PTPN12: variants seen among roughly 807,000 people sequenced by gnomAD.
PTPN12 encodes protein tyrosine phosphatase non-receptor type 12.
Under a neutral mutation model 97.6 loss-of-function variants are expected in PTPN12, and 29 were observed. The ratio of observed to expected loss-of-function variants is 0.30; its 90% CI spans 0.22 to 0.41. The LOEUF (loss-of-function observed/expected upper bound fraction) is 0.41, where lower values mean the gene tolerates loss of function less well. Ranked by LOEUF, PTPN12 falls within the 10% of genes least tolerant of loss-of-function variation. The probability of loss-of-function intolerance (pLI) is 1.00; values close to 1 mark genes in which losing one functional copy is unlikely to be tolerated. For synonymous variants in PTPN12, 327 were observed against 300.4 expected (o/e 1.09, Z -0.91); for missense variants, 819 against 926.0 (o/e 0.88, Z 1.50).
intron 13 of PTPN12, among the ~76,000 whole-genome samples, chr7:77,629,281 C>T (rs1478470493): frequency 6.6e-6 from 1 of 152,200 alleles, no homozygotes; most frequent in Non-Finnish European, 1.5e-5. Flanking sequence ...GCTTAAATTA[C>T]AGAATTATCT....
At chr7:77,556,574 G>A (rs1807721790) in intron 1 of PTPN12, among the ~76,000 whole-genome samples, 1 of 152,056 alleles carries the variant, frequency 6.6e-6, no homozygotes, top group Non-Finnish European at 1.5e-5. Context: ...ATTCGGCCAG[G>A]CACAGTGGCT....
At chr7:77,546,937 A>G (rs192067456) in intron 1 of PTPN12, among the ~76,000 whole-genome samples, 1 of 152,388 alleles carries the variant, frequency 6.6e-6, no homozygotes, top group African/African-American at 2.4e-5. Context: ...TAGGGATTAT[A>G]ATTCAAGATG....
chr7:77,576,665 C>G (rs555275560), intron 2 of PTPN12, among the ~76,000 whole-genome samples: 36 of 152,262 alleles, frequency 2.4e-4, no homozygotes, highest in African/African-American at 7.9e-4. Context: ...CCACTGCACT[C>G]CAACCTGGGT....
chr7:77,605,500 A>ACCTCCGC (rs1788340751), intron 8 of PTPN12, among the ~76,000 whole-genome samples: 1 of 137,794 alleles, frequency 7.3e-6, no homozygotes, highest in Admixed American at 8.3e-5. Context: ...GCTCACTGCA[A>ACCTCCGC]CCTCCGCCTC....
chr7:77,610,874 T>C (rs757090913), intron 10 of PTPN12, 32 bp downstream of exon 10: 5 of 1,581,646 alleles, frequency 3.2e-6, no homozygotes, highest in Non-Finnish European at 4.3e-6. Flanking sequence ...TATAAACTGC[T>C]ATTTTATAAA....
intron 1 of PTPN12, among the ~76,000 whole-genome samples, chr7:77,543,337 C>T (rs1260864503): frequency 1.8e-5 from 2 of 113,064 alleles, no homozygotes; most frequent in East Asian, 6.5e-4. Flanking sequence ...TGTGCCCCTT[C>T]CACTGCCTTT....
At chr7:77,557,186 C>T (rs769334076) in intron 1 of PTPN12, among the ~76,000 whole-genome samples, 5 of 152,044 alleles carry the variant, frequency 3.3e-5, no homozygotes, top group Non-Finnish European at 5.9e-5. Flanking sequence ...AGGCTGGTCT[C>T]GAACCCCTGG....
chr7:77,607,478 A>C, intron 9 of PTPN12, 177 bp downstream of exon 9: 1 of 471,594 alleles, frequency 2.1e-6, no homozygotes, highest in Non-Finnish European at 3.6e-6. Flanking sequence ...TACGCCTGTA[A>C]TCCTAGCACT....
intron 11 of PTPN12, among the ~76,000 whole-genome samples, chr7:77,615,945 C>T (rs998877560): frequency 2.6e-5 from 4 of 152,162 alleles, no homozygotes; most frequent in Admixed American, 6.5e-5. Context: ...AATTGCAGTT[C>T]TGCATTGTCA....
chr7:77,600,076 G>C (rs557438221), intron 7 of PTPN12, among the ~76,000 whole-genome samples: 1 of 152,256 alleles, frequency 6.6e-6, no homozygotes, highest in South Asian at 2.1e-4. Context: ...AAAGCTCATA[G>C]ACTCCCTCAA....
chr7:77,590,849 C>G (rs1037018902), intron 5 of PTPN12, among the ~76,000 whole-genome samples: 3 of 151,918 alleles, frequency 2.0e-5, no homozygotes, highest in African/African-American at 7.3e-5. Flanking sequence ...TAGGCATGAG[C>G]CACCACGCCC....
intron 14 of PTPN12, among the ~76,000 whole-genome samples, chr7:77,634,759 T>C (rs538685436): frequency 1.3e-5 from 2 of 151,732 alleles, no homozygotes; most frequent in Non-Finnish European, 2.9e-5. Flanking sequence ...TGTATTTTTT[T>C]AGTAGAGACA....
At chr7:77,587,201 G>A (rs1450483093) in intron 5 of PTPN12, among the ~76,000 whole-genome samples, 1 of 152,024 alleles carries the variant, frequency 6.6e-6, no homozygotes, top group Non-Finnish European at 1.5e-5. Context: ...ATTTATGGCA[G>A]CTTTAGCTTT....
chr7:77,605,527 C>G (rs1482594575), intron 8 of PTPN12, among the ~76,000 whole-genome samples: 2 of 146,050 alleles, frequency 1.4e-5, no homozygotes, highest in Non-Finnish European at 1.5e-5. Flanking sequence ...TCAAGTGATT[C>G]TCCTGCCTCA....
At chr7:77,555,710 C>A (rs1024852054) in intron 1 of PTPN12, among the ~76,000 whole-genome samples, 1 of 152,058 alleles carries the variant, frequency 6.6e-6, no homozygotes, top group Non-Finnish European at 1.5e-5. Context: ...GTCATGAGAT[C>A]GAGACCATCC....
Position 77,561,225 on chromosome 7 carries a change from T to G in PTPN12, c.100-9853T>G, listed in dbSNP as rs183941685. Among the ~76,000 whole-genome samples, 1,266 of 152,280 alleles carry G rather than the reference T, an allele frequency of 8.3e-3. 10 individuals are homozygous for G. Among genetic ancestry groups the G allele is most frequent in the Non-Finnish European group, 0.013 (882 of 68,008 alleles). On this transcript the variant is annotated intron_variant, in intron 1 of 17. Coordinates refer to ENST00000248594, the MANE Select transcript of PTPN12 (RefSeq NM_002835.4). ...TAGTTATGAGCCACTGTGCCCAGCCTATTTTGGTTTTTTGATAGTAGCCAT... is the reference window on the plus strand; with the variant it reads ...TAGTTATGAGCCACTGTGCCCAGCCGATTTTGGTTTTTTGATAGTAGCCAT...
intron 1 of PTPN12, among the ~76,000 whole-genome samples, chr7:77,557,423 G>A (rs1264842794): frequency 6.6e-6 from 1 of 152,160 alleles, no homozygotes; most frequent in Non-Finnish European, 1.5e-5. Flanking sequence ...CAGTTTGGGG[G>A]CAGCTGTTTG....
Position 77,537,492 on chromosome 7 carries a change from C to CCGGGCGGG in PTPN12, c.-47_-40dup. The CCGGGCGGG allele has an allele frequency of 1.5e-6, 2 of 1,345,770 alleles. No individual in the cohort carries two copies. 83.4% of individuals were successfully genotyped at this position (1,345,770 alleles called of 1,614,324 possible). On this transcript the variant is annotated 5_prime_UTR_variant, in exon 1 of 18. Transcript: ENST00000248594. ...TGGGGAAGACGGAGCGGGCTCTGTG[C>CCGGGCGGG]CGGGCGGGCGGGCGGCGGGGGGGCC...
intron 1 of PTPN12, among the ~76,000 whole-genome samples, chr7:77,542,167 A>G (rs987898796): frequency 2.6e-5 from 4 of 152,298 alleles, no homozygotes; most frequent in African/African-American, 9.6e-5. Context: ...CATCTATGCT[A>G]TACTTAGATT....
Sources: allele counts gnomAD v4.1 joint callset (sites outside exome capture counted in the v4.1 genomes callset), GRCh38; gene constraint gnomAD v4.1.1; transcripts MANE v1.5; gene names NCBI Gene and HGNC (gene_info 2026-07-23, HGNC 2026-07-21).